UNC5C: variants seen among roughly 807,000 people sequenced by gnomAD.
The protein encoded by UNC5C is netrin receptor UNC5C.
A neutral mutation model predicts 99.8 loss-of-function variants in UNC5C; 47 were observed. The observed-to-expected ratio is 0.47, with a 90% confidence interval of 0.37 to 0.60. UNC5C has a LOEUF of 0.60. UNC5C is among the 20% of genes least tolerant of loss of function. The pLI is 0.00. For missense variants in UNC5C, 1,062 were observed against 1,165.9 expected (o/e 0.91, Z 1.30); for synonymous variants, 487 against 452.2 (o/e 1.08, Z -0.98).
At chr4:95,514,424 A>G (rs1354271555) in intron 1 of UNC5C, among the ~76,000 whole-genome samples, 1 of 151,902 alleles carries the variant, frequency 6.6e-6, no homozygotes, top group Non-Finnish European at 1.5e-5. Flanking sequence ...TATTGGCCTT[A>G]ATTCTTTGAA....
In UNC5C at chr4:95,202,900, G is replaced by A; in HGVS notation, c.1967C>T (p.Ala656Val). ...GAGGTTCTCTGTGAGGATGTGGCAG[G>A]CCTCTGCATCCAGCTGAATGTAGCA... ...TPCYIQLDAE[A>V]CHILTENLST... Residue 656 changes from alanine (A) to valine (V), a missense_variant, in exon 12 of 16, where the codon GCC (alanine) becomes GTC (valine). Around this residue, in one of 3 missense-constraint regions of UNC5C, gnomAD observed 810 missense variants for 854.5 expected, o/e 0.95. Coordinates refer to ENST00000453304, the MANE Select transcript of UNC5C (RefSeq NM_003728.4). 1 of 1,614,222 alleles carries A rather than the reference G, an allele frequency of 6.2e-7. No individual in the cohort carries two copies. Among genetic ancestry groups the A allele is most frequent in the Non-Finnish European group, 8.5e-7 (1 of 1,180,038 alleles).
At chr4:95,342,485 T>G (rs2149424624) in intron 1 of UNC5C, among the ~76,000 whole-genome samples, 1 of 152,074 alleles carries the variant, frequency 6.6e-6, no homozygotes, top group East Asian at 1.9e-4. Flanking sequence ...TAAAGAGAAC[T>G]TAGGCCCTGA....
intron 14 of UNC5C, among the ~76,000 whole-genome samples, chr4:95,182,126 TAAGG>T (rs1361379393): frequency 6.6e-6 from 1 of 152,140 alleles, no homozygotes; most frequent in African/African-American, 2.4e-5. Flanking sequence ...AGGTAACAGA[TAAGG>T]AAGGTCATGG....
chr4:95,230,621 A>G (rs1380152347), intron 7 of UNC5C, among the ~76,000 whole-genome samples: 2 of 151,994 alleles, frequency 1.3e-5, no homozygotes, highest in Admixed American at 6.6e-5. Flanking sequence ...ATTTTTGTAT[A>G]AGGTGTAAGG....
intron 1 of UNC5C, among the ~76,000 whole-genome samples, chr4:95,371,882 A>G (rs543938893): frequency 8.5e-5 from 13 of 152,246 alleles, no homozygotes; most frequent in African/African-American, 2.9e-4. Flanking sequence ...AACTTTGGCA[A>G]TTTATTTATA....
At chr4:95,520,496 C>T (rs551521500) in intron 1 of UNC5C, among the ~76,000 whole-genome samples, 2 of 151,898 alleles carry the variant, frequency 1.3e-5, no homozygotes, top group Non-Finnish European at 2.9e-5. Context: ...TATTCATTAT[C>T]TCTTTGGATA....
chr4:95,350,310 A>T (rs1447315176), intron 1 of UNC5C, among the ~76,000 whole-genome samples: 1 of 152,024 alleles, frequency 6.6e-6, no homozygotes, highest in African/African-American at 2.4e-5. Context: ...AACATGGTGA[A>T]ACCCCATCTC....
chr4:95,325,363 G>A (rs1368670784), intron 2 of UNC5C, among the ~76,000 whole-genome samples: 2 of 151,336 alleles, frequency 1.3e-5, no homozygotes, highest in Non-Finnish European at 3.0e-5. Context: ...GATGTAGGTG[G>A]CTATTTAGAT....
intron 1 of UNC5C, among the ~76,000 whole-genome samples, chr4:95,352,370 G>A (rs1165954837): frequency 6.6e-6 from 1 of 152,044 alleles, no homozygotes; most frequent in South Asian, 2.1e-4. Flanking sequence ...CTGCCGTTTA[G>A]GTTTCAGCTC....
intron 1 of UNC5C, among the ~76,000 whole-genome samples, chr4:95,369,573 C>T (rs1744684968): frequency 1.3e-5 from 2 of 151,998 alleles, no homozygotes; most frequent in Admixed American, 6.6e-5. Context: ...AGGAGATTAA[C>T]CTATCCAAAT....
At chr4:95,325,103 A>C (rs1464604782) in intron 2 of UNC5C, among the ~76,000 whole-genome samples, 1 of 152,198 alleles carries the variant, frequency 6.6e-6, no homozygotes, top group Non-Finnish European at 1.5e-5. Flanking sequence ...TCGGCTTACT[A>C]TATAAGGCAT....
At chr4:95,500,539 G>T (rs1278633291) in intron 1 of UNC5C, among the ~76,000 whole-genome samples, 1 of 152,036 alleles carries the variant, frequency 6.6e-6, no homozygotes, top group Non-Finnish European at 1.5e-5. Flanking sequence ...GATTACTTTT[G>T]TTTTGGCATC....
intron 14 of UNC5C, among the ~76,000 whole-genome samples, chr4:95,174,115 A>G (rs1736236756): frequency 1.3e-5 from 2 of 151,614 alleles, no homozygotes; most frequent in Non-Finnish European, 2.9e-5. Context: ...TATTGCGTCT[A>G]TTTGATTCTT....
intron 1 of UNC5C, among the ~76,000 whole-genome samples, chr4:95,367,036 A>C (rs1744593557): frequency 6.6e-6 from 1 of 152,046 alleles, no homozygotes; most frequent in Non-Finnish European, 1.5e-5. Flanking sequence ...TTTCATCTTC[A>C]CTAAGACCCT....
intron 4 of UNC5C, among the ~76,000 whole-genome samples, chr4:95,251,255 AAC>A (rs1311951568): frequency 6.6e-6 from 1 of 152,228 alleles, no homozygotes; most frequent in Non-Finnish European, 1.5e-5. Context: ...AATGTAGCAA[AAC>A]ACATAGTTGG....
Position 95,472,171 on chromosome 4 carries a change from G to T in UNC5C, c.124+76563C>A, listed in dbSNP as rs189429553. Among the ~76,000 whole-genome samples the T allele has an allele frequency of 2.8e-3, 429 of 152,176 alleles. 1 individual carries two copies. Among genetic ancestry groups the T allele is most frequent in the Middle Eastern group, 3.4e-3 (1 of 294 alleles). ...TTCATAACTTCCATTTGATGGCTTT[G>T]CTGTATTAATCTGTATTATTTTAAA... is the stretch of plus-strand genomic sequence containing the variant. On this transcript the variant is annotated intron_variant, in intron 1 of 15. Coordinates refer to ENST00000453304, the MANE Select transcript of UNC5C (RefSeq NM_003728.4).
At chr4:95,504,349 C>T (rs1339406643) in intron 1 of UNC5C, among the ~76,000 whole-genome samples, 3 of 152,144 alleles carry the variant, frequency 2.0e-5, no homozygotes, top group Admixed American at 6.6e-5. Context: ...GCACTTTTAG[C>T]ATTTCTTTAA....
chr4:95,235,758 TG>T (rs1385929966), intron 7 of UNC5C, among the ~76,000 whole-genome samples: 2 of 152,176 alleles, frequency 1.3e-5, no homozygotes, highest in African/African-American at 4.8e-5. Flanking sequence ...CCCCGTTTCT[TG>T]TTTTTGAGTG....
chr4:95,386,254 C>T (rs1423855324), intron 1 of UNC5C, among the ~76,000 whole-genome samples: 1 of 151,892 alleles, frequency 6.6e-6, no homozygotes, highest in Non-Finnish European at 1.5e-5. Flanking sequence ...TTTTAGGGTA[C>T]ATGTGCACAT....
Sources: gnomAD v4.1 joint callset for allele counts (sites outside exome capture counted in the v4.1 genomes callset) on GRCh38, gnomAD v4.1.1 for gene constraint, gnomAD v4.1.1 regional missense constraint, MANE v1.5 for transcripts, NCBI Gene and HGNC (gene_info 2026-07-23, HGNC 2026-07-21) for gene names.